The following VANGL1 variants were observed in gnomAD, a reference collection of about 807,000 sequenced individuals.
VANGL1 encodes the protein vang-like protein 1.
VANGL1 carries 18 observed loss-of-function variants against 48.4 expected under a neutral mutation model. The observed-to-expected ratio is 0.37, with a 90% CI of 0.26 to 0.55. The LOEUF is 0.55. Among genes scored for constraint, VANGL1 ranks in the 20% least tolerant of loss-of-function variants. VANGL1 has a pLI of 0.81. For synonymous variants in VANGL1, 257 were observed against 261.8 expected, an observed-to-expected ratio of 0.98 and a Z score of 0.18; for missense variants, 667 against 675.8, an observed-to-expected ratio of 0.99 and a Z score of 0.14.
At chr1:115,681,018 C>T (rs1035323899) in intron 4 of VANGL1, among the ~76,000 whole-genome samples, 6 of 152,154 alleles carry the variant, frequency 3.9e-5, no homozygotes, top group Admixed American at 2.6e-4. Flanking sequence ...ACACAGAGTC[C>T]GCATGTTACC....
chr1:115,672,056 G>C (rs1482272119), intron 4 of VANGL1, among the ~76,000 whole-genome samples: 1 of 152,206 alleles, frequency 6.6e-6, no homozygotes, highest in Non-Finnish European at 1.5e-5. Context: ...AGCTACTTCT[G>C]GTTCTCACAA....
At chr1:115,683,410 T>C (rs977962425) in intron 5 of VANGL1, among the ~76,000 whole-genome samples, 19 of 152,184 alleles carry the variant, frequency 1.2e-4, no homozygotes, top group African/African-American at 4.3e-4. Context: ...CCCTCAAGCA[T>C]TGGTATTTCC....
chr1:115,668,139 G>A (rs1652859688), intron 4 of VANGL1, among the ~76,000 whole-genome samples: 1 of 152,156 alleles, frequency 6.6e-6, no homozygotes, highest in Admixed American at 6.5e-5. Context: ...TGTAATTGTG[G>A]GAACCAGGAT....
At chr1:115,654,075 C>A (rs1161111435) in intron 2 of VANGL1, among the ~76,000 whole-genome samples, 2 of 152,144 alleles carry the variant, frequency 1.3e-5, no homozygotes, top group Non-Finnish European at 2.9e-5. Flanking sequence ...GGCATGAGAG[C>A]AGGCCCCAGG....
At chr1:115,648,017 A>C (rs1344755898) in intron 1 of VANGL1, among the ~76,000 whole-genome samples, 1 of 152,192 alleles carries the variant, frequency 6.6e-6, no homozygotes, top group African/African-American at 2.4e-5. Context: ...GATGGAGAAG[A>C]CTGAGAAGAG....
chr1:115,651,101 C>T (rs1652125241), intron 1 of VANGL1, among the ~76,000 whole-genome samples, 176 bp from the exon 2 acceptor site: 1 of 152,084 alleles, frequency 6.6e-6, no homozygotes, highest in Non-Finnish European at 1.5e-5. Flanking sequence ...CTCCCAGACA[C>T]CTGGGAAAAC....
Position 115,687,987 on chromosome 1 carries a change from T to TAGAC in VANGL1, c.1314+2462_1314+2465dup, listed in dbSNP as rs1553190236. ...ATAGATAGATAGATAGATAGATAGA[T>TAGAC]AGACACATAGATAGATACATAGATA... On this transcript the variant is annotated intron_variant, in intron 7 of 7. Transcript: ENST00000355485. Among the ~76,000 whole-genome samples, 810 of 129,360 alleles carry TAGAC rather than the reference T, an allele frequency of 6.3e-3. 125 individuals carry two copies. Among genetic ancestry groups the TAGAC allele is most frequent in the East Asian group, 0.023 (106 of 4,672 alleles). The allele number at this position is 129,360 out of a possible 152,430, so 84.9% of individuals were successfully genotyped here. A position where few individuals can be genotyped will look rare whatever the true frequency, so the allele number is the denominator to read the frequency against.
chr1:115,690,651 C>T (rs1037081149), intron 7 of VANGL1, among the ~76,000 whole-genome samples: 8 of 152,234 alleles, frequency 5.3e-5, no homozygotes, highest in East Asian at 3.9e-4. Context: ...TAAATGGTAG[C>T]GCATGCGTTC....
intron 2 of VANGL1, among the ~76,000 whole-genome samples, chr1:115,655,936 C>A (rs1419858122): frequency 1.3e-5 from 2 of 152,204 alleles, no homozygotes; most frequent in African/African-American, 2.4e-5. Flanking sequence ...ACTATGAAGT[C>A]CTGACTTGGC....
At chr1:115,667,668 G>A (rs563305525) in intron 4 of VANGL1, among the ~76,000 whole-genome samples, 6 of 152,282 alleles carry the variant, frequency 3.9e-5, no homozygotes, top group Admixed American at 2.0e-4. Flanking sequence ...TCACACAGTC[G>A]CTTTGTCATT....
rs1253782707 is a variant in VANGL1 at position 115,693,544 on chromosome 1, C to G, written c.*2165C>G. On this transcript the variant is annotated 3_prime_UTR_variant, in exon 8 of 8. Transcript: ENST00000355485. ...AGAATTTATTTTCTCTCTCCCCCTT[C>G]CTCTTTCTCCCAGTCTTTGCATAGG... The G allele has an allele frequency of 6.6e-6, 1 of 152,298 alleles. No homozygotes were observed. The allele number at this position is 152,298 out of a possible 1,614,324, so 9.4% of individuals were successfully genotyped here. A position where few individuals can be genotyped will look rare whatever the true frequency, so the allele number is the denominator to read the frequency against.
chr1:115,691,247 C>T lies in VANGL1; in HGVS notation c.1443C>T (p.Phe481=), dbSNP rs763557998. The T allele has an allele frequency of 1.1e-5, 17 of 1,613,938 alleles. No individual in the cohort carries two copies. Among genetic ancestry groups the T allele is most frequent in the Middle Eastern group, 3.3e-4 (2 of 6,084 alleles). The change falls in exon 8 of 8, where the codon TTC becomes TTT. Residue 481 remains phenylalanine (F), a synonymous_variant. Coordinates refer to ENST00000355485, the MANE Select transcript of VANGL1 (RefSeq NM_138959.3). ...VTNGLRDGIV[F]VLKCLDFSLV... is the part of the protein sequence containing the mutation. ...ATGGATTACGGGATGGAATTGTGTTCGTCCTTAAGTGCTTGGACTTCAGCC... is the reference window on the plus strand; with the variant it reads ...ATGGATTACGGGATGGAATTGTGTTTGTCCTTAAGTGCTTGGACTTCAGCC...
In VANGL1 at chr1:115,696,876, C is replaced by G. The variant is rs1158032622; in HGVS notation, c.*5497C>G. 6.6e-6 allele frequency: 1 copy of G among 152,174 alleles called. No homozygotes were observed. The highest frequency in any genetic ancestry group is 1.5e-5 in the Non-Finnish European group (1 of 68,022). 9.4% of individuals were successfully genotyped at this position (152,174 alleles called of 1,614,324 possible). A position where few individuals can be genotyped will look rare whatever the true frequency, so the allele number is the denominator to read the frequency against. Reference sequence around the variant, plus strand: ...TCCTTGTCATAGTGGAAGAAAGACACTTACTTTAAGCTTTGGGGACAAAGG... The same window carrying G: ...TCCTTGTCATAGTGGAAGAAAGACAGTTACTTTAAGCTTTGGGGACAAAGG... On this transcript the variant is annotated 3_prime_UTR_variant, in exon 8 of 8. Transcript: ENST00000355485.
chr1:115,651,266 C>T lies in VANGL1; in HGVS notation c.-137-11C>T, dbSNP rs1652131745. Reference sequence around the variant, plus strand: ...AAGATTAATGTCTTTTTTTTTCCCCCTCTTTCCCAGAATTTGTTCCTGTTG... The same window carrying T: ...AAGATTAATGTCTTTTTTTTTCCCCTTCTTTCCCAGAATTTGTTCCTGTTG... On this transcript the variant is annotated splice_polypyrimidine_tract_variant and intron_variant, in intron 1 of 7. Coordinates refer to ENST00000355485, the MANE Select transcript of VANGL1 (RefSeq NM_138959.3). 2.9e-6 allele frequency: 2 copies of T among 678,388 alleles called. No homozygotes were observed. Among genetic ancestry groups the T allele is most frequent in the African/African-American group, 1.8e-5 (1 of 54,734 alleles). 42.0% of individuals were successfully genotyped at this position (678,388 alleles called of 1,614,324 possible). A position where few individuals can be genotyped will look rare whatever the true frequency, so the allele number is the denominator to read the frequency against.
At chr1:115,670,322 T>C (rs1175033318) in intron 4 of VANGL1, among the ~76,000 whole-genome samples, 1 of 152,208 alleles carries the variant, frequency 6.6e-6, no homozygotes, top group African/African-American at 2.4e-5. Flanking sequence ...ACAGGAATAT[T>C]ACATACACTG....
At chr1:115,648,376 G>A (rs1258379618) in intron 1 of VANGL1, among the ~76,000 whole-genome samples, 1 of 152,218 alleles carries the variant, frequency 6.6e-6, no homozygotes, top group Non-Finnish European at 1.5e-5. Flanking sequence ...GTGACAGCAT[G>A]TATAGACCAC....
rs1435282724 is a variant in VANGL1 at position 115,692,584 on chromosome 1, A to C, written c.*1205A>C. 1 of 152,770 alleles carries C rather than the reference A, an allele frequency of 6.5e-6. No homozygotes were observed. Among genetic ancestry groups the C allele is most frequent in the Non-Finnish European group, 1.5e-5 (1 of 68,122 alleles). 9.5% of individuals were successfully genotyped at this position (152,770 alleles called of 1,614,324 possible). The stretch of plus-strand genomic sequence containing the variant: ...GGGAGAAGGAAAATGGACACTCTAC[A>C]GAGTTTGGGGAAGGGAGAGTAGGGA... On this transcript the variant is annotated 3_prime_UTR_variant, in exon 8 of 8. Coordinates refer to ENST00000355485, the MANE Select transcript of VANGL1 (RefSeq NM_138959.3).
At chr1:115,653,851 CT>C (rs1652243938) in intron 2 of VANGL1, among the ~76,000 whole-genome samples, 1 of 152,158 alleles carries the variant, frequency 6.6e-6, no homozygotes, top group Admixed American at 6.5e-5. Context: ...CTGAGAAAAG[CT>C]CTGAGAGAGG....
chr1:115,672,801 T>C (rs1323347719), intron 4 of VANGL1, among the ~76,000 whole-genome samples: 1 of 152,214 alleles, frequency 6.6e-6, no homozygotes, highest in African/African-American at 2.4e-5. Flanking sequence ...TGGTTGTCAG[T>C]GAAGGCGGTG....
Sources: gnomAD v4.1 joint callset for allele counts (sites outside exome capture counted in the v4.1 genomes callset) on GRCh38, gnomAD v4.1.1 for gene constraint, MANE v1.5 for transcripts, NCBI Gene and HGNC (gene_info 2026-07-23, HGNC 2026-07-21) for gene names.